The following NLRP5 variants were observed in gnomAD, a reference collection of about 807,000 sequenced individuals.
NLRP5 encodes the protein NACHT, LRR and PYD domains-containing protein 5.
In NLRP5, 93 loss-of-function variants were observed where a neutral mutation model predicts 113.1. The observed-to-expected ratio is 0.82, with a 90% confidence interval of 0.70 to 0.98. The LOEUF (loss-of-function observed/expected upper bound fraction) is 0.98, where lower values mean the gene tolerates loss of function less well. Ranked by LOEUF, NLRP5 falls within the 50% of genes least tolerant of loss-of-function variation. The pLI is 0.00. For synonymous variants in NLRP5, 751 were observed against 600.7 expected (o/e 1.25, Z -3.66); for missense variants, 1,808 against 1,514.3 (o/e 1.19, Z -3.22).
chr19:56,058,988 A>AC (rs1159103155), intron 14 of NLRP5, among the ~76,000 whole-genome samples: 40 of 152,340 alleles, frequency 2.6e-4, no homozygotes, highest in African/African-American at 8.9e-4. Context: ...TTCTACCTCG[A>AC]AGAGGTACTT....
At chr19:55,994,186 C>T in the NLRP5 span, among the ~76,000 whole-genome samples, 3 of 152,118 alleles carry the variant, frequency 2.0e-5, no homozygotes, top group African/African-American at 7.2e-5. Context: ...CAAATCAAAA[C>T]CACAGTGAGA....
intron 4 of NLRP5, among the ~76,000 whole-genome samples, chr19:56,017,388 A>G (rs1279846200): frequency 7.0e-6 from 1 of 143,676 alleles, no homozygotes; most frequent in Non-Finnish European, 1.5e-5. Context: ...AAGTTATATT[A>G]TATTTCAGAT....
intron 6 of NLRP5, among the ~76,000 whole-genome samples, chr19:56,024,328 C>T (rs113319024): frequency 1.0e-4 from 14 of 140,362 alleles, no homozygotes; most frequent in African/African-American, 3.8e-4. Context: ...ATGGTGAAAC[C>T]TCATCTCTGC....
chr19:56,015,844 T>A (rs748784109), intron 4 of NLRP5, 46 bp downstream of exon 4: 1 of 1,464,628 alleles, frequency 6.8e-7, no homozygotes, highest in Non-Finnish European at 9.3e-7. Context: ...TGGAAGAAAG[T>A]TGGGTGAGAG....
chr19:55,994,892 T>G (rs1314658262), upstream of NLRP5, among the ~76,000 whole-genome samples: 1 of 152,202 alleles, frequency 6.6e-6, no homozygotes, highest in Non-Finnish European at 1.5e-5. Flanking sequence ...AGTCTTATGT[T>G]TAAGTACTTT....
Position 56,013,596 on chromosome 19 carries a change from G to GTTTT in NLRP5, c.509-2128_509-2125dup, listed in dbSNP as rs71183002. Among the ~76,000 whole-genome samples the GTTTT allele has an allele frequency of 8.9e-3, 526 of 59,260 alleles. 93 individuals carry two copies. The highest frequency in any genetic ancestry group is 0.036 in the African/African-American group (416 of 11,526). The allele number at this position is 59,260 out of a possible 152,430, so 38.9% of individuals were successfully genotyped here. A position where few individuals can be genotyped will look rare whatever the true frequency, so the allele number is the denominator to read the frequency against. On this transcript the variant is annotated intron_variant, in intron 3 of 14. Coordinates refer to ENST00000390649, the MANE Select transcript of NLRP5 (RefSeq NM_153447.4). Reference sequence around the variant, plus strand: ...CATTTATCACATGATGGACATTTGGGTTTTTTTTTTTTTTTTTTTTTGCTA... The same window carrying GTTTT: ...CATTTATCACATGATGGACATTTGGGTTTTTTTTTTTTTTTTTTTTTTTTTGCTA...
intron 6 of NLRP5, among the ~76,000 whole-genome samples, chr19:56,026,339 G>A (rs569643425): frequency 9.9e-5 from 15 of 151,658 alleles, no homozygotes; most frequent in African/African-American, 1.7e-4. Context: ...CCATCCTGGC[G>A]AACACGGTGA....
chr19:56,038,160 C>T lies in NLRP5; in HGVS notation c.2751C>T (p.Ala917=). 2.5e-6 allele frequency: 4 copies of T among 1,613,934 alleles called. No homozygotes were observed. The highest frequency in any genetic ancestry group is 1.1e-5 in the South Asian group (1 of 91,082). ...AGGGAGTAATGCCTCTCAGTGATGC[C>T]TTGAGAGTCTCCCAGTGCGCCCTGC... The change falls in exon 10 of 15, where the codon GCC becomes GCT. Residue 917 remains alanine (A), a synonymous_variant. Coordinates refer to ENST00000390649, the MANE Select transcript of NLRP5 (RefSeq NM_153447.4).
At position 56,027,893 on chromosome 19, in the gene NLRP5, C is replaced by A; in HGVS notation, c.1660C>A (p.Gln554Lys). ...GTTTGACGGTGACGACCTCATGGTT[C>A]AAGGACTCGGGGAGTCTGAGCTCCG... Residue 554 changes from glutamine to lysine, a missense_variant, in exon 7 of 15, where the codon CAA becomes AAA. Transcript: ENST00000390649. 6.2e-7 allele frequency: 1 copy of A among 1,613,828 alleles called. No individual in the cohort carries two copies. Among genetic ancestry groups the A allele is most frequent in the Non-Finnish European group, 8.5e-7 (1 of 1,179,820 alleles).
At chr19:56,010,743 A>C (rs866418299) in intron 3 of NLRP5, among the ~76,000 whole-genome samples, 23 of 81,808 alleles carry the variant, frequency 2.8e-4, no homozygotes, top group African/African-American at 1.1e-3. Context: ...ACTCTGTCTC[A>C]AAAAAAAAAA....
At chr19:55,988,436 G>GTATATATA in the NLRP5 span, 1 of 93,438 alleles carries the variant, frequency 1.1e-5, no homozygotes, top group African/African-American at 4.2e-5. Context: ...ATATATATAT[G>GTATATATA]TGTGTGTGTA....
At chr19:56,025,870 G>A (rs1982824205) in intron 6 of NLRP5, among the ~76,000 whole-genome samples, 1 of 152,036 alleles carries the variant, frequency 6.6e-6, no homozygotes, top group Non-Finnish European at 1.5e-5. Context: ...GGCCACTTAT[G>A]TTGGCATACA....
chr19:56,025,869 T>C (rs929890410), intron 6 of NLRP5, among the ~76,000 whole-genome samples: 11 of 152,184 alleles, frequency 7.2e-5, no homozygotes, highest in East Asian at 1.9e-4. Flanking sequence ...AGGCCACTTA[T>C]GTTGGCATAC....
At chr19:56,058,164 G>T in intron 13 of NLRP5, 76 bp from the exon 14 acceptor site, 2 of 1,104,044 alleles carry the variant, frequency 1.8e-6, no homozygotes. Context: ...AAGTATCAAG[G>T]TGAAATTCAT....
intron 12 of NLRP5, 71 bp downstream of exon 12, chr19:56,050,659 A>G: frequency 6.9e-7 from 1 of 1,450,840 alleles, no homozygotes. Flanking sequence ...GTCAAGAGAT[A>G]GGAGCAGGGA....
chr19:56,037,085 C>A (rs1983345258), intron 9 of NLRP5, among the ~76,000 whole-genome samples: 1 of 152,138 alleles, frequency 6.6e-6, no homozygotes, highest in Non-Finnish European at 1.5e-5. Flanking sequence ...GTGCTGTTGT[C>A]CTCATTTCCA....
intron 6 of NLRP5, among the ~76,000 whole-genome samples, chr19:56,021,861 T>G (rs1301244002): frequency 6.6e-6 from 1 of 152,102 alleles, no homozygotes; most frequent in African/African-American, 2.4e-5. Flanking sequence ...AATTGGTGAT[T>G]GGCAGAGTTC....
chr19:56,012,049 A>C (rs1173346140), intron 3 of NLRP5, among the ~76,000 whole-genome samples: 1 of 152,070 alleles, frequency 6.6e-6, no homozygotes, highest in African/African-American at 2.4e-5. Flanking sequence ...TGGTGAATCT[A>C]TTTAGTCTAA....
chr19:56,040,785 G>C, intron 10 of NLRP5, 137 bp from the exon 11 acceptor site: 1 of 660,656 alleles, frequency 1.5e-6, no homozygotes, highest in South Asian at 2.0e-5. Flanking sequence ...AGGCAGAGAG[G>C]ATGCGACTTC....
Sources: gnomAD v4.1 joint callset for allele counts (sites outside exome capture counted in the v4.1 genomes callset) on GRCh38, gnomAD v4.1.1 for gene constraint, MANE v1.5 for transcripts, NCBI Gene and HGNC (gene_info 2026-07-23, HGNC 2026-07-21) for gene names.